The following EPC2 variants were observed in gnomAD, a reference collection of about 807,000 sequenced individuals.
EPC2 encodes enhancer of polycomb 2, also known as enhancer of polycomb homolog 2.
EPC2 carries 14 observed loss-of-function variants against 92.1 expected under a neutral mutation model. The ratio of observed to expected loss-of-function variants is 0.15; its 90% CI spans 0.10 to 0.24. EPC2 has a LOEUF of 0.24. EPC2 is among the 10% of genes least tolerant of loss of function. The pLI is 1.00. For synonymous variants in EPC2, 340 were observed against 334.7 expected, an observed-to-expected ratio of 1.02 and a Z score of -0.17; for missense variants, 755 against 971.5, an observed-to-expected ratio of 0.78 and a Z score of 2.96.
intron 2 of EPC2, among the ~76,000 whole-genome samples, chr2:148,719,761 A>G (rs2105389898): frequency 6.6e-6 from 1 of 152,254 alleles, no homozygotes; most frequent in East Asian, 1.9e-4. Flanking sequence ...TTGTTAGAGC[A>G]GCTGTGCTGT....
At chr2:148,703,473 G>A (rs1007833501) in intron 2 of EPC2, among the ~76,000 whole-genome samples, 4 of 151,934 alleles carry the variant, frequency 2.6e-5, no homozygotes, top group African/African-American at 4.8e-5. Context: ...AACAAAAAAC[G>A]TTTCAGGATC....
chr2:148,738,760 ATTCCT>A (rs534900031), intron 2 of EPC2, among the ~76,000 whole-genome samples: 33 of 152,246 alleles, frequency 2.2e-4, no homozygotes, highest in Non-Finnish European at 4.0e-4. Context: ...AAGAAATAAC[ATTCCT>A]TTCTCTTCTG....
intron 10 of EPC2, among the ~76,000 whole-genome samples, chr2:148,780,773 TATC>T (rs760726023): frequency 2.6e-5 from 4 of 152,206 alleles, no homozygotes; most frequent in Admixed American, 1.3e-4. Context: ...GTACATGTAT[TATC>T]ATGTCATTTA....
At chr2:148,662,506 T>A (rs991746374) in intron 1 of EPC2, among the ~76,000 whole-genome samples, 12 of 152,208 alleles carry the variant, frequency 7.9e-5, no homozygotes, top group African/African-American at 2.4e-4. Flanking sequence ...GATGAGTTCA[T>A]GTCCTTTGTA....
At chr2:148,770,510 ATTTTTAACTATATAT>A (rs1394034501) in intron 8 of EPC2, among the ~76,000 whole-genome samples, 1 of 152,180 alleles carries the variant, frequency 6.6e-6, no homozygotes, top group African/African-American at 2.4e-5. Context: ...AAGCTGCATT[ATTTTTAACTATATAT>A]TCCTTTTTAA....
At chr2:148,708,157 G>C (rs1019537796) in intron 2 of EPC2, among the ~76,000 whole-genome samples, 1 of 152,102 alleles carries the variant, frequency 6.6e-6, no homozygotes, top group Non-Finnish European at 1.5e-5. Flanking sequence ...AATGATAAAA[G>C]GGATATCACC....
At chr2:148,666,949 A>G (rs1376544380) in intron 1 of EPC2, among the ~76,000 whole-genome samples, 1 of 151,378 alleles carries the variant, frequency 6.6e-6, no homozygotes, top group Admixed American at 6.6e-5. Context: ...TAGGAGCTGG[A>G]TAGCACTCTT....
intron 3 of EPC2, among the ~76,000 whole-genome samples, chr2:148,745,879 C>T (rs1682976691): frequency 6.6e-6 from 1 of 152,076 alleles, no homozygotes; most frequent in Admixed American, 6.6e-5. Context: ...AAACCTGCCT[C>T]TGTTATTCTG....
At chr2:148,670,112 T>C (rs1574571562) in intron 1 of EPC2, among the ~76,000 whole-genome samples, 1 of 152,180 alleles carries the variant, frequency 6.6e-6, no homozygotes, top group Non-Finnish European at 1.5e-5. Context: ...TCATGAAGTC[T>C]ACTGAGCTTC....
At chr2:148,756,280 C>CT (rs1426620876) in intron 4 of EPC2, among the ~76,000 whole-genome samples, 1 of 152,138 alleles carries the variant, frequency 6.6e-6, no homozygotes, top group Non-Finnish European at 1.5e-5. Context: ...TTATTCCTTT[C>CT]TGTTTTCAGT....
chr2:148,650,437 C>T (rs1161697180), intron 1 of EPC2, among the ~76,000 whole-genome samples: 1 of 152,094 alleles, frequency 6.6e-6, no homozygotes. Flanking sequence ...TTTTCACACG[C>T]CGATATGGTT....
At position 148,784,921 on chromosome 2, in the gene EPC2, C is replaced by T. The variant is rs1176456601; in HGVS notation, c.2271C>T (p.Ala757=). The T allele has an allele frequency of 2.5e-6, 4 of 1,581,236 alleles. No individual in the cohort carries two copies. Among genetic ancestry groups the T allele is most frequent in the Non-Finnish European group, 2.6e-6 (3 of 1,162,698 alleles). Reference sequence around the variant, plus strand: ...GGACTTCAGCACCATCGCCAACAGCCTTAAAACTTGCCACAGTTGCTGCCA... The same window carrying T: ...GGACTTCAGCACCATCGCCAACAGCTTTAAAACTTGCCACAGTTGCTGCCA... ...NTRTSAPSPT[A]LKLATVAASM... is the part of the protein sequence containing the mutation. The change falls in exon 13 of 14, where the codon GCC becomes GCT. Residue 757 remains alanine (A), a synonymous_variant. Transcript: ENST00000258484.
At chr2:148,677,379 A>G (rs1347049261) in intron 1 of EPC2, among the ~76,000 whole-genome samples, 1 of 152,214 alleles carries the variant, frequency 6.6e-6, no homozygotes, top group Non-Finnish European at 1.5e-5. Context: ...TTTCTCATTT[A>G]TGAAATTAAA....
chr2:148,758,768 A>G (rs1683242643), intron 4 of EPC2, among the ~76,000 whole-genome samples: 1 of 152,188 alleles, frequency 6.6e-6, no homozygotes, highest in African/African-American at 2.4e-5. Flanking sequence ...ATCTTAAGCA[A>G]TCAAAGTTAA....
chr2:148,718,883 G>A (rs1682308339), intron 2 of EPC2, among the ~76,000 whole-genome samples: 1 of 152,214 alleles, frequency 6.6e-6, no homozygotes, highest in African/African-American at 2.4e-5. Context: ...TCAGTCAGTC[G>A]TAGATTCAGT....
intron 1 of EPC2, among the ~76,000 whole-genome samples, chr2:148,650,913 G>A (rs1194542888): frequency 1.3e-5 from 2 of 152,170 alleles, no homozygotes; most frequent in Non-Finnish European, 2.9e-5. Flanking sequence ...GTAAGGCCGT[G>A]TACTGAAATG....
Position 148,769,174 on chromosome 2 carries a change from G to A in EPC2, c.1164G>A (p.Pro388=), listed in dbSNP as rs772460144. 1.4e-5 allele frequency: 22 copies of A among 1,612,366 alleles called. No individual in the cohort carries two copies. Among genetic ancestry groups the A allele is most frequent in the South Asian group, 2.2e-5 (2 of 90,652 alleles). ...FPQVLSPVSE[P]EEENDPDGPC... ...AGGTATTGTCCCCAGTATCAGAACCGGAAGAAGAAAATGATCCTGATGGTC... is the reference window on the plus strand; with the variant it reads ...AGGTATTGTCCCCAGTATCAGAACCAGAAGAAGAAAATGATCCTGATGGTC... The change falls in exon 8 of 14, where the codon CCG becomes CCA. Residue 388 remains proline, a synonymous_variant. Transcript: ENST00000258484.
intron 1 of EPC2, among the ~76,000 whole-genome samples, chr2:148,656,702 T>G (rs897828323): frequency 3.9e-5 from 6 of 152,222 alleles, no homozygotes; most frequent in Non-Finnish European, 8.8e-5. Flanking sequence ...TAAATATTTG[T>G]GACTGAATGT....
At chr2:148,711,297 T>G (rs1164942833) in intron 2 of EPC2, among the ~76,000 whole-genome samples, 1 of 152,100 alleles carries the variant, frequency 6.6e-6, no homozygotes, top group Non-Finnish European at 1.5e-5. Flanking sequence ...TTAGAGTATT[T>G]AAAAAATTTC....
Sources: allele counts gnomAD v4.1 joint callset (sites outside exome capture counted in the v4.1 genomes callset), GRCh38; gene constraint gnomAD v4.1.1; transcripts MANE v1.5; gene names NCBI Gene and HGNC (gene_info 2026-07-23, HGNC 2026-07-21).